Variants in ADAMTS20 observed in about 807,000 individuals in gnomAD.
ADAMTS20 encodes ADAM metallopeptidase with thrombospondin type 1 motif 20, also known as A disintegrin and metalloproteinase with thrombospondin motifs 20.
Under a neutral mutation model 260.1 loss-of-function variants are expected in ADAMTS20, and 225 were observed. The ratio of observed to expected loss-of-function variants is 0.87; its 90% CI spans 0.78 to 0.97. ADAMTS20 has a LOEUF of 0.97. ADAMTS20 is among the 50% of genes least tolerant of loss of function. ADAMTS20 has a pLI of 0.00. For missense variants in ADAMTS20, 2,400 were observed against 2,337.7 expected (o/e 1.03, Z -0.55); for synonymous variants, 802 against 769.5 (o/e 1.04, Z -0.70).
intron 29 of ADAMTS20, among the ~76,000 whole-genome samples, chr12:43,391,926 A>C (rs1940604720): frequency 6.6e-6 from 1 of 152,330 alleles, no homozygotes; most frequent in African/African-American, 2.4e-5. Context: ...GAGTATAAGC[A>C]GCAACCACCA....
chr12:43,422,502 A>G (rs1294810612), intron 28 of ADAMTS20, among the ~76,000 whole-genome samples: 1 of 152,066 alleles, frequency 6.6e-6, no homozygotes, highest in Non-Finnish European at 1.5e-5. Context: ...ATTTAATATA[A>G]AAGTCTAATT....
intron 9 of ADAMTS20, 68 bp downstream of exon 9, chr12:43,466,583 CT>C: frequency 6.9e-7 from 1 of 1,453,030 alleles, no homozygotes; most frequent in Non-Finnish European, 9.4e-7. Context: ...ATTGAACCAC[CT>C]TTAAAAATAT....
intron 37 of ADAMTS20, among the ~76,000 whole-genome samples, chr12:43,362,625 C>T (rs1592025524): frequency 1.3e-5 from 2 of 152,192 alleles, no homozygotes; most frequent in Middle Eastern, 3.4e-3. Context: ...ATAACCACCA[C>T]TTAAAGTCTC....
In ADAMTS20 at chr12:43,440,087, A is replaced by G. The variant is rs1399565484; in HGVS notation, c.2291-18T>C. 2.6e-6 allele frequency: 4 copies of G among 1,534,094 alleles called. No individual in the cohort carries two copies. The South Asian group carries it at 4.8e-5, about 18-fold the overall frequency. On this transcript the variant is annotated intron_variant, in intron 16 of 38. Coordinates refer to ENST00000389420, the MANE Select transcript of ADAMTS20 (RefSeq NM_025003.5). ...AGATAATGCTGTAAAAGAATAAAGC[A>G]TAACTCATGAAATAGTAACACCAAT... is the stretch of plus-strand genomic sequence containing the variant.
intron 28 of ADAMTS20, chr12:43,423,381 T>TA (rs2137291852): frequency 5.0e-6 from 1 of 201,284 alleles, no homozygotes; most frequent in African/African-American, 2.3e-5. Flanking sequence ...CACAAACACT[T>TA]AATTTTAATT....
chr12:43,434,429 C>T lies in ADAMTS20; in HGVS notation c.2594-58G>A, dbSNP rs1941510483. On this transcript the variant is annotated intron_variant, in intron 18 of 38. Transcript: ENST00000389420. ...AAGAAAAATTCACAGTTAGATGTTCCATAATTATGTAATTCTGCTAATAGC... is the reference window on the plus strand; with the variant it reads ...AAGAAAAATTCACAGTTAGATGTTCTATAATTATGTAATTCTGCTAATAGC... The T allele has an allele frequency of 2.7e-6, 4 of 1,501,108 alleles. 1 individual carries two copies. 93.0% of individuals were successfully genotyped at this position (1,501,108 alleles called of 1,614,324 possible).
chr12:43,441,361 A>G (rs1941662900), intron 16 of ADAMTS20, among the ~76,000 whole-genome samples: 3 of 151,790 alleles, frequency 2.0e-5, no homozygotes, highest in African/African-American at 7.2e-5. Context: ...ACAATTATAT[A>G]GTATGTATTA....
chr12:43,531,016 T>C (rs1319094722), intron 3 of ADAMTS20, among the ~76,000 whole-genome samples: 1 of 151,900 alleles, frequency 6.6e-6, no homozygotes, highest in Non-Finnish European at 1.5e-5. Flanking sequence ...AAACAGGAGA[T>C]GGGGACAAGA....
intron 3 of ADAMTS20, among the ~76,000 whole-genome samples, chr12:43,516,423 T>C (rs1228324214): frequency 6.6e-6 from 1 of 152,216 alleles, no homozygotes; most frequent in Admixed American, 6.5e-5. Context: ...AGCTCTCTAC[T>C]AGAGCCAAAG....
At position 43,383,588 on chromosome 12, in the gene ADAMTS20, A is replaced by G. The variant is rs1185242271; in HGVS notation, c.4767T>C (p.Asn1589=). 6.2e-7 allele frequency: 1 copy of G among 1,613,250 alleles called. No homozygotes were observed. Among genetic ancestry groups the G allele is most frequent in the East Asian group, 2.2e-5 (1 of 44,866 alleles). ...ATGAGTCTGCTGTTACCACAATGTA[A>G]TTGCAAGGAGGGTTCCTGCAATTCT... is the stretch of plus-strand genomic sequence containing the variant. ...TSKNCRNPPC[N]YIVVTADSSQ... is the part of the protein sequence containing the mutation. The change falls in exon 31 of 39, where the codon AAT becomes AAC. Residue 1589 remains asparagine, a synonymous_variant. Transcript: ENST00000389420.
At position 43,420,800 on chromosome 12, in the gene ADAMTS20, C is replaced by CTTT. The variant is rs747496684; in HGVS notation, c.4284+4711_4284+4713dup. 7.9e-3 allele frequency among the ~76,000 whole-genome samples: 440 copies of CTTT among 55,496 alleles called. 3 individuals are homozygous for CTTT. Among genetic ancestry groups the CTTT allele is most frequent in the Non-Finnish European group, 0.012 (377 of 32,724 alleles). 36.4% of individuals were successfully genotyped at this position (55,496 alleles called of 152,430 possible). ...TCTTCTTCTTCTCCTCCTCCTCCTT[C>CTTT]TTTTTTTTTTTTTTTTTTTTTTTTT... is the stretch of plus-strand genomic sequence containing the variant. On this transcript the variant is annotated intron_variant, in intron 28 of 38. Transcript: ENST00000389420.
rs1943500628 is a variant in ADAMTS20, at chr12:43,550,789, T to C, written c.453+120A>G. ...CCTCTGGCTTGGTGTTAATCCTTCTTGTAGCCCAACCTGAACTCCAGGGTC... is the reference window on the plus strand; with the variant it reads ...CCTCTGGCTTGGTGTTAATCCTTCTCGTAGCCCAACCTGAACTCCAGGGTC... On this transcript the variant is annotated intron_variant, in intron 2 of 38. Transcript: ENST00000389420. 2.2e-6 allele frequency: 3 copies of C among 1,390,502 alleles called. No homozygotes were observed. In the South Asian group the frequency reaches 4.8e-5, roughly 22 times the overall value. 86.1% of individuals were successfully genotyped at this position (1,390,502 alleles called of 1,614,324 possible). A position where few individuals can be genotyped will look rare whatever the true frequency, so the allele number is the denominator to read the frequency against.
rs1289842902 is a variant in ADAMTS20, at chr12:43,431,643, C to A, written c.3097-147G>T. The A allele has an allele frequency of 3.2e-6, 3 of 936,280 alleles. No individual in the cohort carries two copies. In the African/African-American group the frequency reaches 5.0e-5, roughly 15 times the overall value. The allele number at this position is 936,280 out of a possible 1,614,324, so 58.0% of individuals were successfully genotyped here. A position where few individuals can be genotyped will look rare whatever the true frequency, so the allele number is the denominator to read the frequency against. Reference sequence around the variant, plus strand: ...TCCCTCACTCCACCAGAGATATTCACTGGGTAAAATCAGCCTGCCCCTAAC... The same window carrying A: ...TCCCTCACTCCACCAGAGATATTCAATGGGTAAAATCAGCCTGCCCCTAAC... On this transcript the variant is annotated intron_variant, in intron 21 of 38. Transcript: ENST00000389420.
Position 43,502,359 on chromosome 12 carries a change from G to A in ADAMTS20, c.660C>T (p.Asn220=). ...TCATTACATTAAGATCTTCATTCAT[G>A]TTGCTGTAGGTATGAAAGGGTAAAC... The part of the protein sequence containing the change: ...ETSLPFHTYS[N]MNEDLNVMKE... Residue 220 remains asparagine (N), a synonymous_variant, in exon 4 of 39, where the codon AAC becomes AAT. Transcript: ENST00000389420. The A allele has an allele frequency of 1.9e-6, 3 of 1,606,668 alleles. No individual in the cohort carries two copies. Among genetic ancestry groups the A allele is most frequent in the South Asian group, 1.1e-5 (1 of 89,282 alleles).
intron 37 of ADAMTS20, among the ~76,000 whole-genome samples, chr12:43,366,256 A>G (rs1178421364): frequency 6.6e-6 from 1 of 151,918 alleles, no homozygotes; most frequent in Non-Finnish European, 1.5e-5. Flanking sequence ...ATATTTTATA[A>G]TAATAAAAAG....
At chr12:43,545,391 A>G (rs1428543389) in intron 2 of ADAMTS20, among the ~76,000 whole-genome samples, 1 of 152,208 alleles carries the variant, frequency 6.6e-6, no homozygotes, top group Non-Finnish European at 1.5e-5. Context: ...TCAGCTGCAC[A>G]GTCCACGAGA....
intron 6 of ADAMTS20, among the ~76,000 whole-genome samples, chr12:43,492,246 G>A (rs1942610811): frequency 6.6e-6 from 1 of 152,004 alleles, no homozygotes; most frequent in African/African-American, 2.4e-5. Flanking sequence ...CGGGCGTGGT[G>A]GCGGGCGCCT....
At chr12:43,496,979 A>G (rs1259572542) in intron 4 of ADAMTS20, among the ~76,000 whole-genome samples, 3 of 152,148 alleles carry the variant, frequency 2.0e-5, no homozygotes, top group Non-Finnish European at 2.9e-5. Flanking sequence ...CATAGACTAC[A>G]CTTTAGGAAA....
chr12:43,409,594 T>C (rs1366587962), intron 28 of ADAMTS20, among the ~76,000 whole-genome samples: 1 of 46,132 alleles, frequency 2.2e-5, no homozygotes, highest in African/African-American at 2.3e-4. Flanking sequence ...AGAGCGAGAC[T>C]CCGTCTCAAA....
Sources: gnomAD v4.1 joint callset for allele counts (sites outside exome capture counted in the v4.1 genomes callset) on GRCh38, gnomAD v4.1.1 for gene constraint, MANE v1.5 for transcripts, NCBI Gene and HGNC (gene_info 2026-07-23, HGNC 2026-07-21) for gene names.